Variants in TMEM117 observed in about 807,000 individuals in gnomAD.
TMEM117 encodes the protein transmembrane protein 117.
Under a neutral mutation model 52.4 loss-of-function variants are expected in TMEM117, and 27 were observed. That is an observed-to-expected ratio of 0.51 (90% CI 0.38 to 0.71). TMEM117 has a LOEUF of 0.71. TMEM117 is among the 30% of genes least tolerant of loss of function. The pLI, the probability that TMEM117 is intolerant of heterozygous loss-of-function variation, is 0.00. For missense variants in TMEM117, 556 were observed against 630.5 expected (o/e 0.88, Z 1.26); for synonymous variants, 215 against 206.3 (o/e 1.04, Z -0.36).
intron 3 of TMEM117, among the ~76,000 whole-genome samples, chr12:44,008,233 CA>C (rs150453631): frequency 0.056 from 8,543 of 152,196 alleles, 355 homozygotes; most frequent in Middle Eastern, 0.11. Flanking sequence ...TGAGAGGGCC[CA>C]AATACTCTTA....
chr12:43,943,880 T>C (rs992186086), intron 2 of TMEM117, among the ~76,000 whole-genome samples: 2 of 152,200 alleles, frequency 1.3e-5, no homozygotes, highest in African/African-American at 4.8e-5. Flanking sequence ...AAAAACATAT[T>C]TGTAAAATAA....
intron 3 of TMEM117, among the ~76,000 whole-genome samples, chr12:44,045,451 C>T (rs1201312323): frequency 6.6e-6 from 1 of 152,176 alleles, no homozygotes; most frequent in East Asian, 1.9e-4. Context: ...ATGCAATGCT[C>T]CAAGACTACC....
At chr12:43,945,350 TTG>T (rs1945114253) in intron 3 of TMEM117, among the ~76,000 whole-genome samples, 3 of 152,314 alleles carry the variant, frequency 2.0e-5, no homozygotes, top group Admixed American at 6.5e-5. Flanking sequence ...AATCTCGCTG[TTG>T]TCAGCCAGGG....
At chr12:43,945,434 C>T (rs1464912424) in intron 3 of TMEM117, among the ~76,000 whole-genome samples, 1 of 151,886 alleles carries the variant, frequency 6.6e-6, no homozygotes, top group East Asian at 2.0e-4. Context: ...AATTCTCCTT[C>T]CTCAGCCTCC....
intron 6 of TMEM117, among the ~76,000 whole-genome samples, chr12:44,304,111 G>A (rs1335201767): frequency 6.6e-6 from 1 of 152,188 alleles, no homozygotes; most frequent in Non-Finnish European, 1.5e-5. Flanking sequence ...GGGTAAGAGA[G>A]ACAGTCTTGA....
At chr12:44,397,784 G>C in the TMEM117 span, among the ~76,000 whole-genome samples, 1 of 152,184 alleles carries the variant, frequency 6.6e-6, no homozygotes, top group Non-Finnish European at 1.5e-5. Context: ...TGGGCTGGAA[G>C]AGAAGCCTGG....
Position 44,099,643 on chromosome 12 carries a change from G to A in TMEM117, c.411-43882G>A, listed in dbSNP as rs1016077423. 2.0e-5 allele frequency among the ~76,000 whole-genome samples: 3 copies of A among 152,002 alleles called. No individual in the cohort carries two copies. The South Asian group carries it at 6.2e-4, about 31-fold the overall frequency. On this transcript the variant is annotated intron_variant, in intron 3 of 7. Transcript: ENST00000266534. ...GAGATAGTCTAGATGAAGCCTGAAT[G>A]CATTGGCGAATTGGGTGGAGTCCTG...
chr12:44,253,100 GAT>G (rs1159552014), intron 5 of TMEM117, among the ~76,000 whole-genome samples: 2 of 152,144 alleles, frequency 1.3e-5, no homozygotes, highest in East Asian at 1.9e-4. Flanking sequence ...GGTTTAAAAT[GAT>G]ATGTTTCTAA....
chr12:44,263,510 A>G (rs189316006), intron 5 of TMEM117: 7 of 152,358 alleles, frequency 4.6e-5, no homozygotes, highest in Admixed American at 3.9e-4. Context: ...CCCAAGGATT[A>G]TAAATCATTC....
chr12:43,979,562 T>C (rs1200911036), intron 3 of TMEM117, among the ~76,000 whole-genome samples: 1 of 152,138 alleles, frequency 6.6e-6, no homozygotes, highest in African/African-American at 2.4e-5. Context: ...GGGAATAGTA[T>C]AAAAGCAGTC....
At chr12:43,856,046 A>C (rs1315814517) in intron 2 of TMEM117, among the ~76,000 whole-genome samples, 3 of 152,196 alleles carry the variant, frequency 2.0e-5, no homozygotes, top group African/African-American at 4.8e-5. Flanking sequence ...TAAATAACCA[A>C]CAAGTTATCA....
At chr12:43,863,923 G>T (rs1001076870) in intron 2 of TMEM117, among the ~76,000 whole-genome samples, 1 of 152,224 alleles carries the variant, frequency 6.6e-6, no homozygotes, top group Non-Finnish European at 1.5e-5. Flanking sequence ...GGGAACCGGG[G>T]CTGCGCCCGG....
intron 4 of TMEM117, among the ~76,000 whole-genome samples, chr12:44,163,774 C>G (rs1319384571): frequency 6.6e-6 from 1 of 152,200 alleles, no homozygotes; most frequent in Non-Finnish European, 1.5e-5. Flanking sequence ...ACAAATGTGA[C>G]TTCTAAAATA....
At position 44,148,118 on chromosome 12, in the gene TMEM117, A is replaced by G. The variant is rs965829725; in HGVS notation, c.510+4494A>G. ...TCGGAATTTATGTATATGTGCCACT[A>G]CTAGCAAAGGCTTTACCATAAAGTG... On this transcript the variant is annotated intron_variant, in intron 4 of 7. Transcript: ENST00000266534. Among the ~76,000 whole-genome samples, 4 of 152,286 alleles carry G rather than the reference A, an allele frequency of 2.6e-5. No homozygotes were observed. In the East Asian group the frequency reaches 7.7e-4, roughly 29 times the overall value.
chr12:44,311,815 A>ATATATATG (rs1376193178), intron 6 of TMEM117, among the ~76,000 whole-genome samples: 28 of 94,774 alleles, frequency 3.0e-4, no homozygotes, highest in African/African-American at 1.4e-3. Flanking sequence ...GTATATATGT[A>ATATATATG]TATATATGTA....
At chr12:44,067,097 C>A (rs1947232231) in intron 3 of TMEM117, among the ~76,000 whole-genome samples, 1 of 151,348 alleles carries the variant, frequency 6.6e-6, no homozygotes, top group African/African-American at 2.4e-5. Flanking sequence ...AACTCATCAT[C>A]TGTTAGTTTT....
the TMEM117 span, among the ~76,000 whole-genome samples, chr12:43,821,974 T>C: frequency 6.6e-6 from 1 of 152,334 alleles, no homozygotes; most frequent in Non-Finnish European, 1.5e-5. Flanking sequence ...GGTGTGACCA[T>C]GTTGTTGTGA....
intron 3 of TMEM117, among the ~76,000 whole-genome samples, chr12:43,971,191 T>C (rs1945580165): frequency 6.6e-6 from 1 of 152,218 alleles, no homozygotes; most frequent in African/African-American, 2.4e-5. Flanking sequence ...TAATTAGTCC[T>C]ACCTTACTGA....
At chr12:43,953,421 A>G (rs1296222944) in intron 3 of TMEM117, among the ~76,000 whole-genome samples, 1 of 152,230 alleles carries the variant, frequency 6.6e-6, no homozygotes, top group East Asian at 1.9e-4. Flanking sequence ...ATGTGCGAAG[A>G]CACACATAGA....
Sources: allele counts gnomAD v4.1 joint callset (sites outside exome capture counted in the v4.1 genomes callset), GRCh38; gene constraint gnomAD v4.1.1; transcripts MANE v1.5; gene names NCBI Gene and HGNC (gene_info 2026-07-23, HGNC 2026-07-21).